Variants in MAD1L1 observed in about 807,000 individuals in gnomAD.
MAD1L1 encodes mitotic arrest deficient 1 like 1.
Under a neutral mutation model 96.9 loss-of-function variants are expected in MAD1L1, and 95 were observed. The ratio of observed to expected loss-of-function variants is 0.98; its 90% CI spans 0.83 to 1.16. The LOEUF (loss-of-function observed/expected upper bound fraction) is 1.16. Among genes scored for constraint, MAD1L1 ranks in the 50% most tolerant of loss-of-function variants. The pLI is 0.00. For synonymous variants in MAD1L1, 473 were observed against 396.6 expected, an observed-to-expected ratio of 1.19 and a Z score of -2.29; for missense variants, 1,007 against 954.4, an observed-to-expected ratio of 1.06 and a Z score of -0.73.
At chr7:1,845,804 C>T (rs1308778496) in intron 18 of MAD1L1, 1 of 152,640 alleles carries the variant, frequency 6.6e-6, no homozygotes, top group Non-Finnish European at 1.5e-5. Flanking sequence ...CCACCTCTGG[C>T]GTCCTCTCTG....
At chr7:1,890,504 C>T (rs1179909702) in intron 18 of MAD1L1, among the ~76,000 whole-genome samples, 9 of 152,240 alleles carry the variant, frequency 5.9e-5, no homozygotes, top group Admixed American at 5.2e-4. Flanking sequence ...TGCACACGTG[C>T]CCACTTTTGA....
At chr7:1,817,722 G>A (rs769772738) in intron 18 of MAD1L1, among the ~76,000 whole-genome samples, 1 of 152,126 alleles carries the variant, frequency 6.6e-6, no homozygotes, top group South Asian at 2.1e-4. Context: ...TGTGTGCATC[G>A]GAGCTCAGGA....
At chr7:1,823,349 A>G (rs1440483310) in intron 18 of MAD1L1, among the ~76,000 whole-genome samples, 1 of 152,192 alleles carries the variant, frequency 6.6e-6, no homozygotes, top group African/African-American at 2.4e-5. Flanking sequence ...GAGCTCTGAC[A>G]CTCAACACCA....
chr7:1,858,361 G>A (rs1452242106), intron 18 of MAD1L1, among the ~76,000 whole-genome samples: 13 of 152,244 alleles, frequency 8.5e-5, no homozygotes, highest in Admixed American at 8.5e-4. Context: ...GGGGATGAAT[G>A]GCTTTTGTTT....
At chr7:2,219,646 G>GGGGGGCAGAGCGGTA (rs1793487084) in intron 5 of MAD1L1, among the ~76,000 whole-genome samples, 190 bp from the exon 6 acceptor site, 1 of 71,268 alleles carries the variant, frequency 1.4e-5, no homozygotes, top group Non-Finnish European at 4.4e-5. Flanking sequence ...CAGAGCGGTA[G>GGGGGGCAGAGCGGTA]GGGGGCAGAT....
At chr7:2,055,799 C>G (rs1368038820) in intron 12 of MAD1L1, among the ~76,000 whole-genome samples, 2 of 151,442 alleles carry the variant, frequency 1.3e-5, no homozygotes, top group African/African-American at 4.9e-5. Flanking sequence ...ACCAATATGG[C>G]AAAACCCCGT....
chr7:2,231,133 T>C (rs1294599282), intron 1 of MAD1L1, among the ~76,000 whole-genome samples: 1 of 151,960 alleles, frequency 6.6e-6, no homozygotes, highest in Non-Finnish European at 1.5e-5. Flanking sequence ...ACCCCACCTC[T>C]AATAAAATAC....
Position 2,220,885 on chromosome 7 carries a change from G to A in MAD1L1, c.472-1429C>T, listed in dbSNP as rs761506376. Reference sequence around the variant, plus strand: ...CTTCCGAACTCAATTAATACGCACCGTGTGCCAGGGGCAAGGCCAGATGCA... The same window carrying A: ...CTTCCGAACTCAATTAATACGCACCATGTGCCAGGGGCAAGGCCAGATGCA... On this transcript the variant is annotated intron_variant, in intron 5 of 18. Coordinates refer to ENST00000265854, the MANE Select transcript of MAD1L1 (RefSeq NM_001013836.2). 4.7e-5 allele frequency: 76 copies of A among 1,609,194 alleles called. 1 individual carries two copies. The South Asian group carries it at 4.8e-4, about 10-fold the overall frequency.
At chr7:1,918,829 C>T (rs1199079498) in intron 17 of MAD1L1, among the ~76,000 whole-genome samples, 1 of 152,230 alleles carries the variant, frequency 6.6e-6, no homozygotes, top group Non-Finnish European at 1.5e-5. Context: ...AGCTCCCGGC[C>T]CCAGGGCGAC....
chr7:1,874,558 AT>A (rs959849456), intron 18 of MAD1L1: 3 of 454,506 alleles, frequency 6.6e-6, no homozygotes, highest in South Asian at 1.6e-5. Context: ...AAAAAAAAAA[AT>A]AAAAGCGCTG....
At chr7:1,916,904 C>A (rs1370173933) in intron 17 of MAD1L1, among the ~76,000 whole-genome samples, 1 of 151,960 alleles carries the variant, frequency 6.6e-6, no homozygotes, top group African/African-American at 2.4e-5. Context: ...CACCCCCATT[C>A]ACCTACGAGG....
rs1041766487 is a variant in MAD1L1 at position 2,201,672 on chromosome 7, G to C, written c.986+11540C>G. Among the ~76,000 whole-genome samples the C allele has an allele frequency of 1.2e-4, 19 of 152,224 alleles. 1 individual carries two copies. The highest frequency in any genetic ancestry group is 1.2e-3 in the Admixed American group (18 of 15,288). On this transcript the variant is annotated intron_variant, in intron 10 of 18. Coordinates refer to ENST00000265854, the MANE Select transcript of MAD1L1 (RefSeq NM_001013836.2). ...CCCAAAAAGAGCTCCGAGACCAAGTGATAGCGTTTCCACCCGGACACGCCG... is the reference window on the plus strand; with the variant it reads ...CCCAAAAAGAGCTCCGAGACCAAGTCATAGCGTTTCCACCCGGACACGCCG...
At chr7:2,060,184 T>C (rs1307492678) in intron 12 of MAD1L1, among the ~76,000 whole-genome samples, 1 of 145,702 alleles carries the variant, frequency 6.9e-6, no homozygotes, top group Non-Finnish European at 1.5e-5. Context: ...GATGCCGAGA[T>C]ACACCGATGC....
chr7:1,891,183 TC>T (rs1051142328), intron 18 of MAD1L1, among the ~76,000 whole-genome samples: 7 of 152,326 alleles, frequency 4.6e-5, no homozygotes, highest in African/African-American at 1.7e-4. Context: ...AAAACATTTT[TC>T]TATAGCTGTA....
chr7:1,972,652 ATT>A (rs56799065), intron 15 of MAD1L1, among the ~76,000 whole-genome samples: 1 of 145,290 alleles, frequency 6.9e-6, no homozygotes, highest in South Asian at 2.2e-4. Context: ...AATTTTCTCT[ATT>A]TTTTTTTTAA....
At chr7:2,226,500 A>T (rs999464209) in intron 3 of MAD1L1, among the ~76,000 whole-genome samples, 1 of 152,168 alleles carries the variant, frequency 6.6e-6, no homozygotes, top group African/African-American at 2.4e-5. Flanking sequence ...TAGTGATTAC[A>T]GGTTAGCTGA....
intron 4 of MAD1L1, among the ~76,000 whole-genome samples, chr7:2,223,257 C>T (rs532585274): frequency 6.6e-6 from 1 of 152,304 alleles, no homozygotes; most frequent in South Asian, 2.1e-4. Context: ...CTCAAATCTG[C>T]CACACATGCA....
chr7:2,208,381 T>A (rs1330893116), intron 10 of MAD1L1, among the ~76,000 whole-genome samples: 2 of 152,154 alleles, frequency 1.3e-5, no homozygotes, highest in East Asian at 3.8e-4. Context: ...TCCTTTCCAG[T>A]CTGTCCATCT....
intron 15 of MAD1L1, among the ~76,000 whole-genome samples, chr7:1,963,742 G>A (rs951790791): frequency 1.3e-5 from 2 of 152,212 alleles, no homozygotes; most frequent in Admixed American, 1.3e-4. Flanking sequence ...CTCCCTGGGT[G>A]TCTGGGGCAC....
Sources: allele counts gnomAD v4.1 joint callset (sites outside exome capture counted in the v4.1 genomes callset), GRCh38; gene constraint gnomAD v4.1.1; transcripts MANE v1.5; gene names NCBI Gene and HGNC (gene_info 2026-07-23, HGNC 2026-07-21).